The following TTLL8 variants were observed in gnomAD, a reference collection of about 807,000 sequenced individuals.
TTLL8 encodes tubulin tyrosine ligase like 8.
TTLL8 carries 65 observed loss-of-function variants against 77.8 expected under a neutral mutation model. The ratio of observed to expected loss-of-function variants is 0.84; its 90% CI spans 0.68 to 1.03. TTLL8 has a LOEUF of 1.03. TTLL8 is among the 50% of genes least tolerant of loss of function. TTLL8 has a pLI of 0.00. For synonymous variants in TTLL8, 402 were observed against 422.8 expected (o/e 0.95, Z 0.60); for missense variants, 910 against 1,004.5 (o/e 0.91, Z 1.27).
chr22:50,026,932 C>T (rs1460108197), intron 12 of TTLL8, among the ~76,000 whole-genome samples: 3 of 152,082 alleles, frequency 2.0e-5, no homozygotes, highest in Non-Finnish European at 4.4e-5. Context: ...GGTTGGAAAA[C>T]TTTATTTAAA....
chr22:50,033,077 C>A, intron 10 of TTLL8, 125 bp downstream of exon 11: 3 of 1,174,810 alleles, frequency 2.6e-6, no homozygotes, highest in Non-Finnish European at 2.2e-6. Flanking sequence ...CCATCTGTGC[C>A]TCTCGTGGTG....
exon 12 of TTLL8, chr22:50,030,686 G>A: frequency 4.7e-6 from 6 of 1,286,250 alleles, no homozygotes; most frequent in Non-Finnish European, 6.1e-6. Flanking sequence ...GTGCCAGCAA[G>A]GCCAGGGGGA....
At chr22:50,057,153 GGT>G (rs2061475360), upstream of TTLL8, among the ~76,000 whole-genome samples, 3 of 97,808 alleles carry the variant, frequency 3.1e-5, no homozygotes, top group African/African-American at 1.6e-4. Context: ...TCTGAGTTGG[GGT>G]CAGGTCTGGG....
intron 1 of TTLL8, among the ~76,000 whole-genome samples, chr22:50,053,738 T>C (rs1273261201): frequency 2.0e-5 from 3 of 152,142 alleles, no homozygotes; most frequent in Non-Finnish European, 2.9e-5. Context: ...GAATAACCGA[T>C]AGGGGCCAAG....
rs192619614 is a variant in TTLL8 at position 50,050,314 on chromosome 22, C to A, written c.52-67G>T. The A allele has an allele frequency of 2.5e-5, 30 of 1,180,284 alleles. 2 individuals are homozygous for A. The African/African-American group carries it at 4.6e-4, about 18-fold the overall frequency. 73.1% of individuals were successfully genotyped at this position (1,180,284 alleles called of 1,614,324 possible). A position where few individuals can be genotyped will look rare whatever the true frequency, so the allele number is the denominator to read the frequency against. ...TTGGGGAATAGGCAGATTTTGGTTG[C>A]ATGGATAAGCTTGTTAGTGCTGGTT... On this transcript the variant is annotated intron_variant, in intron 1 of 13. Coordinates refer to ENST00000266182, the Ensembl canonical transcript of TTLL8.
chr22:50,027,952 G>A (rs1006322571), intron 12 of TTLL8, among the ~76,000 whole-genome samples: 1 of 151,720 alleles, frequency 6.6e-6, no homozygotes, highest in African/African-American at 2.4e-5. Flanking sequence ...ACTCACGCAC[G>A]GACGCCAGCA....
intron 1 of TTLL8, among the ~76,000 whole-genome samples, chr22:50,053,136 C>T (rs548084153): frequency 3.8e-4 from 58 of 151,380 alleles, no homozygotes; most frequent in African/African-American, 1.4e-3. Flanking sequence ...GCAGGAGAAT[C>T]GCTTGAACCT....
chr22:50,055,655 CAAAAA>C (rs144375344), upstream of TTLL8, among the ~76,000 whole-genome samples: 3 of 110,514 alleles, frequency 2.7e-5, no homozygotes, highest in Admixed American at 9.0e-5. Flanking sequence ...AACTCTGTCT[CAAAAA>C]AAAAAAAAAA....
chr22:50,054,012 A>C (rs925473757), intron 1 of TTLL8, among the ~76,000 whole-genome samples: 1 of 151,790 alleles, frequency 6.6e-6, no homozygotes, highest in Non-Finnish European at 1.5e-5. Flanking sequence ...CAGTCTGCAC[A>C]TATTTGTACA....
intron 1 of TTLL8, among the ~76,000 whole-genome samples, chr22:50,053,188 C>T (rs1257860850): frequency 4.1e-5 from 6 of 147,672 alleles, no homozygotes; most frequent in African/African-American, 1.5e-4. Context: ...TGCCACTGCA[C>T]TCTAGCATGG....
intron 12 of TTLL8, among the ~76,000 whole-genome samples, chr22:50,025,632 C>T (rs752962032): frequency 6.6e-6 from 1 of 152,046 alleles, no homozygotes; most frequent in Non-Finnish European, 1.5e-5. Context: ...AGAGTGAGAC[C>T]TTGTCTCAAA....
chr22:50,021,217 T>TGAC, intron 12 of TTLL8, among the ~76,000 whole-genome samples: 1 of 145,204 alleles, frequency 6.9e-6, no homozygotes, highest in African/African-American at 2.6e-5. Context: ...CTCCTCCATC[T>TGAC]GACGTGCACT....
At chr22:50,056,190 G>A (rs2061469829), upstream of TTLL8, among the ~76,000 whole-genome samples, 1 of 152,148 alleles carries the variant, frequency 6.6e-6, no homozygotes, top group Admixed American at 6.5e-5. The surrounding 1 kb of genome is among the most constrained non-coding windows in gnomAD (Gnocchi z 4.1). Flanking sequence ...ATGTATCCAG[G>A]ACATACAGAG....
upstream of TTLL8, among the ~76,000 whole-genome samples, chr22:50,056,241 C>T (rs888132241): frequency 7.9e-5 from 12 of 152,172 alleles, no homozygotes; most frequent in Admixed American, 3.9e-4. The surrounding 1 kb of genome is among the most constrained non-coding windows in gnomAD (Gnocchi z 4.1). Flanking sequence ...GATTTAACCG[C>T]GGCCTGCAGT....
At position 50,034,620 on chromosome 22, in the gene TTLL8, G is replaced by T; in HGVS notation, c.922-158C>A. ...GGGGCTGGCCTGGCGGGAAAGGGCT[G>T]CGGGTCGGCCCAGGAAGTTCTCCCA... On this transcript the variant is annotated intron_variant, in intron 8 of 13. Transcript: ENST00000266182. The surrounding 1 kb of genome is among the most constrained non-coding windows in gnomAD (Gnocchi z 4.1). The T allele has an allele frequency of 1.4e-6, 1 of 694,644 alleles. No homozygotes were observed. The highest frequency in any genetic ancestry group is 2.1e-6 in the Non-Finnish European group (1 of 483,582). The allele number at this position is 694,644 out of a possible 1,614,324, so 43.0% of individuals were successfully genotyped here.
intron 5 of TTLL8, among the ~76,000 whole-genome samples, chr22:50,045,627 G>T (rs2061405249): frequency 6.6e-6 from 1 of 152,184 alleles, no homozygotes; most frequent in South Asian, 2.1e-4. Context: ...TGCCCCAGCT[G>T]CTCGCCGCGC....
Position 50,032,010 on chromosome 22 carries a change from C to G in TTLL8, c.1383G>C (p.Arg461Ser), listed in dbSNP as rs767527502. 2.2e-6 allele frequency: 3 copies of G among 1,366,602 alleles called. No homozygotes were observed. The South Asian group carries it at 3.4e-5, about 16-fold the overall frequency. 84.7% of individuals were successfully genotyped at this position (1,366,602 alleles called of 1,614,324 possible). Residue 461 changes from arginine to serine, a missense_variant, in exon 11 of 14, where the codon AGG (arginine) becomes AGC (serine). Physicochemically the swap from Arg to Ser is moderately radical, Grantham distance 110. This residue lies in a region of TTLL8 where 776 missense variants were observed against 926.1 expected (regional missense o/e 0.84). Coordinates refer to ENST00000266182, the Ensembl canonical transcript of TTLL8. ...CCTGGCGCTGCAGGTACTCCTGGAA[C>G]CTGGTGCTGGTCCACATGTTGTGTG...
upstream of TTLL8, among the ~76,000 whole-genome samples, chr22:50,057,674 GTT>G (rs1253673587): frequency 8.8e-6 from 1 of 113,088 alleles, no homozygotes; most frequent in African/African-American, 4.4e-5. Flanking sequence ...TCAGGTCTGG[GTT>G]TTTGGGGTCA....
At chr22:50,050,516 G>A (rs925826401) in intron 1 of TTLL8, among the ~76,000 whole-genome samples, 1 of 151,934 alleles carries the variant, frequency 6.6e-6, no homozygotes, top group African/African-American at 2.4e-5. Context: ...GATTACAGGT[G>A]CCTGCCACTA....
Sources: allele counts gnomAD v4.1 joint callset (sites outside exome capture counted in the v4.1 genomes callset), GRCh38; gene constraint gnomAD v4.1.1; regional missense constraint gnomAD v4.1.1; non-coding constraint Gnocchi (gnomAD v3.1); transcripts MANE v1.5; gene names NCBI Gene and HGNC (gene_info 2026-07-23, HGNC 2026-07-21).